PRAMEF20: variants seen among roughly 807,000 people sequenced by gnomAD.
The protein encoded by PRAMEF20 is PRAME family member 20/21.
Under a neutral mutation model 32.4 loss-of-function variants are expected in PRAMEF20, and 27 were observed. That is an observed-to-expected ratio of 0.83 (90% CI 0.61 to 1.15). PRAMEF20 has a LOEUF of 1.15. Among genes scored for constraint, PRAMEF20 ranks in the 50% most tolerant of loss-of-function variants. PRAMEF20 has a pLI of 0.00. For missense variants in PRAMEF20, 604 were observed against 584.5 expected (o/e 1.03, Z -0.34); for synonymous variants, 256 against 235.4 (o/e 1.09, Z -0.80).
At chr1:13,418,173 G>C in exon 2 of PRAMEF20, 1 of 1,613,534 alleles carries the variant, frequency 6.2e-7, no homozygotes, top group South Asian at 1.1e-5. Context: ...AGAACTTCTG[G>C]ATGGTTTGGT....
At chr1:13,421,188 G>A in exon 3 of PRAMEF20, 2 of 1,613,948 alleles carry the variant, frequency 1.2e-6, no homozygotes, top group East Asian at 2.2e-5. Context: ...ATCTTGTTCT[G>A]TACCGACTAC....
chr1:13,418,242 G>A, exon 2 of PRAMEF20: 1 of 1,613,826 alleles, frequency 6.2e-7, no homozygotes. Flanking sequence ...AACCACTGCA[G>A]GACTGTCCAA....
exon 2 of PRAMEF20, chr1:13,418,542 G>A (rs1472343853): frequency 6.2e-7 from 1 of 1,613,986 alleles, no homozygotes; most frequent in African/African-American, 1.3e-5. Context: ...ATCTTCGGAA[G>A]CTCGTTCTCT....
At chr1:13,416,332 C>A (rs546636115), upstream of PRAMEF20, 29 of 1,612,126 alleles carry the variant, frequency 1.8e-5, no homozygotes, top group African/African-American at 4.0e-5. Flanking sequence ...TCCTCTGGAA[C>A]TTTTCTTTGC....
exon 2 of PRAMEF20, chr1:13,418,276 A>C: frequency 1.2e-6 from 2 of 1,613,836 alleles, no homozygotes; most frequent in Non-Finnish European, 1.7e-6. Flanking sequence ...GCAGCCCTTG[A>C]CTGTGTTCAT....
At chr1:13,412,436 G>A (rs1244787162), upstream of PRAMEF20, among the ~76,000 whole-genome samples, 3 of 151,988 alleles carry the variant, frequency 2.0e-5, no homozygotes, top group Non-Finnish European at 2.9e-5. Context: ...GGATAATGTT[G>A]AATTTTTCAG....
intron 2 of PRAMEF20, among the ~76,000 whole-genome samples, chr1:13,420,019 A>C (rs1641226002): frequency 6.6e-6 from 1 of 152,150 alleles, no homozygotes; most frequent in South Asian, 2.1e-4. Flanking sequence ...GGACGCCTGC[A>C]GCCTGCCCAC....
At chr1:13,416,308 T>C (rs772253435), upstream of PRAMEF20, 162 of 1,611,886 alleles carry the variant, frequency 1.0e-4, no homozygotes, top group African/African-American at 2.0e-3. Context: ...AGTGATGCCT[T>C]TTCTCTGGAT....
chr1:13,414,839 G>A (rs1257152968), upstream of PRAMEF20, among the ~76,000 whole-genome samples: 3 of 152,066 alleles, frequency 2.0e-5, no homozygotes, highest in African/African-American at 2.4e-5. Context: ...TCACTCTGTC[G>A]CCCAGGCTGC....
exon 1 of PRAMEF20, chr1:13,416,380 T>G: frequency 6.2e-7 from 1 of 1,613,272 alleles, no homozygotes; most frequent in Non-Finnish European, 8.5e-7. Context: ...CCACCCAGAC[T>G]CCTGGAGCTG....
chr1:13,417,155 G>C (rs937678924), intron 1 of PRAMEF20, among the ~76,000 whole-genome samples: 14 of 152,182 alleles, frequency 9.2e-5, no homozygotes, highest in Non-Finnish European at 8.8e-5. Flanking sequence ...AGCTTCCACA[G>C]CGTGGAAGGG....
chr1:13,413,144 ATC>A (rs1641129853), upstream of PRAMEF20, among the ~76,000 whole-genome samples: 1 of 152,218 alleles, frequency 6.6e-6, no homozygotes, highest in African/African-American at 2.4e-5. Context: ...ACCCTTCCCT[ATC>A]TCACACTCAG....
At chr1:13,418,787 G>A (rs1641212323) in intron 2 of PRAMEF20, 87 bp downstream of exon 3, 1 of 1,599,120 alleles carries the variant, frequency 6.3e-7, no homozygotes, top group Non-Finnish European at 8.5e-7. Flanking sequence ...AGCCTATGAG[G>A]ATGTAACAGT....
chr1:13,412,381 C>T (rs1385433774), upstream of PRAMEF20, among the ~76,000 whole-genome samples: 4 of 152,108 alleles, frequency 2.6e-5, no homozygotes, highest in African/African-American at 4.8e-5. Flanking sequence ...GGAGGAAACA[C>T]CCTTTAACTT....
chr1:13,418,613 C>T, exon 2 of PRAMEF20: 2 of 1,613,988 alleles, frequency 1.2e-6, no homozygotes, highest in Non-Finnish European at 1.7e-6. Flanking sequence ...ACCCAGTTCA[C>T]CACTCAGTTC....
At chr1:13,419,387 G>T (rs1641217954) in intron 2 of PRAMEF20, among the ~76,000 whole-genome samples, 1 of 151,950 alleles carries the variant, frequency 6.6e-6, no homozygotes, top group Non-Finnish European at 1.5e-5. Flanking sequence ...GACCTCAGGT[G>T]ATCCACCCAC....
intron 2 of PRAMEF20, among the ~76,000 whole-genome samples, chr1:13,420,192 C>G (rs1569869131): frequency 6.6e-6 from 1 of 152,170 alleles, no homozygotes; most frequent in East Asian, 1.9e-4. Flanking sequence ...AGGGAAAAGA[C>G]TCAGCCTGAA....
At chr1:13,413,094 T>G (rs1177285241), upstream of PRAMEF20, among the ~76,000 whole-genome samples, 1 of 152,246 alleles carries the variant, frequency 6.6e-6, no homozygotes, top group Non-Finnish European at 1.5e-5. Context: ...AAAGATACTT[T>G]CAAGTTTTTT....
exon 3 of PRAMEF20, chr1:13,421,095 G>C: frequency 6.2e-7 from 1 of 1,612,396 alleles, no homozygotes; most frequent in Non-Finnish European, 8.5e-7. Context: ...TATGATGTTC[G>C]TGGTATCGTC....
Sources: allele counts gnomAD v4.1 joint callset (sites outside exome capture counted in the v4.1 genomes callset), GRCh38; gene constraint gnomAD v4.1.1; transcripts MANE v1.5; gene names NCBI Gene and HGNC (gene_info 2026-07-23, HGNC 2026-07-21).